The following BTBD9 variants were observed in gnomAD, a reference collection of about 807,000 sequenced individuals.
BTBD9 encodes the protein BTB domain containing 9, also known as BTB/POZ domain-containing protein 9.
In BTBD9, 49 loss-of-function variants were observed where a neutral mutation model predicts 64.3. The ratio of observed to expected loss-of-function variants is 0.76; its 90% CI spans 0.61 to 0.97. The LOEUF (loss-of-function observed/expected upper bound fraction) is 0.97, where lower values mean the gene tolerates loss of function less well. BTBD9 is among the 50% of genes least tolerant of loss of function. The pLI is 0.00. For synonymous variants in BTBD9, 260 were observed against 274.7 expected (o/e 0.95, Z 0.53); for missense variants, 598 against 762.1 (o/e 0.78, Z 2.53).
intron 6 of BTBD9, among the ~76,000 whole-genome samples, chr6:38,393,019 C>T (rs755880430): frequency 4.1e-4 from 62 of 152,064 alleles, no homozygotes; most frequent in Non-Finnish European, 5.7e-4. Flanking sequence ...GGATTACAGG[C>T]GCGTGCCACC....
At chr6:38,280,664 G>A (rs951410379) in intron 8 of BTBD9, among the ~76,000 whole-genome samples, 3 of 152,198 alleles carry the variant, frequency 2.0e-5, no homozygotes, top group African/African-American at 7.2e-5. Flanking sequence ...TGAAATGGAA[G>A]CGGCATGGAA....
At chr6:38,494,574 A>G (rs1014128097) in intron 6 of BTBD9, among the ~76,000 whole-genome samples, 6 of 152,226 alleles carry the variant, frequency 3.9e-5, no homozygotes, top group Non-Finnish European at 7.3e-5. Context: ...GATATACATC[A>G]TGATGAGTAC....
chr6:38,504,439 T>C, intron 6 of BTBD9: 1 of 397,448 alleles, frequency 2.5e-6, no homozygotes, highest in South Asian at 1.9e-5. Flanking sequence ...CCTTCCTCCC[T>C]TTCCCTATGA....
At position 38,530,623 on chromosome 6, in the gene BTBD9, C is replaced by A. The variant is rs764542273; in HGVS notation, c.1154+46977G>T. 6.2e-5 allele frequency among the ~76,000 whole-genome samples: 6 copies of A among 97,158 alleles called. 2 individuals carry two copies. The highest frequency in any genetic ancestry group is 1.5e-4 in the Non-Finnish European group (5 of 34,166). 63.7% of individuals were successfully genotyped at this position (97,158 alleles called of 152,430 possible). ...TGGGGGTGGGTTCCCCCAATACTCA[C>A]AAAACAAACTAAATAAGACACCAGA... On this transcript the variant is annotated intron_variant, in intron 6 of 10. Coordinates refer to ENST00000481247, the MANE Select transcript of BTBD9 (RefSeq NM_001099272.2).
intron 1 of BTBD9, among the ~76,000 whole-genome samples, chr6:38,607,986 C>G (rs181019609): frequency 1.3e-5 from 2 of 152,216 alleles, no homozygotes; most frequent in Non-Finnish European, 2.9e-5. Flanking sequence ...CTGAAACTTC[C>G]TTCTTCCTCT....
intron 9 of BTBD9, among the ~76,000 whole-genome samples, chr6:38,202,725 C>T (rs1401501953): frequency 1.3e-5 from 2 of 152,130 alleles, no homozygotes; most frequent in African/African-American, 2.4e-5. Context: ...AAACTGGACC[C>T]CTATCTCTCA....
intron 6 of BTBD9, among the ~76,000 whole-genome samples, chr6:38,516,752 T>C (rs1773045728): frequency 6.6e-6 from 1 of 152,186 alleles, no homozygotes; most frequent in Non-Finnish European, 1.5e-5. Flanking sequence ...GCAGTCACAG[T>C]GATCTGAGTA....
chr6:38,579,314 A>G (rs1274776943), intron 5 of BTBD9, among the ~76,000 whole-genome samples: 2 of 152,210 alleles, frequency 1.3e-5, no homozygotes, highest in Admixed American at 1.3e-4. Flanking sequence ...GCAGGGCATC[A>G]TCATCATTAC....
chr6:38,462,041 T>G (rs1264277509), intron 6 of BTBD9, among the ~76,000 whole-genome samples: 1 of 152,214 alleles, frequency 6.6e-6, no homozygotes. Flanking sequence ...GTTGTTGAAT[T>G]GTAAGAATTC....
chr6:38,296,234 C>A (rs565600117), intron 7 of BTBD9, among the ~76,000 whole-genome samples: 1 of 152,008 alleles, frequency 6.6e-6, no homozygotes, highest in Non-Finnish European at 1.5e-5. Flanking sequence ...ATATTCTTGG[C>A]CCTTTCAGGA....
chr6:38,363,836 T>C (rs1582298296), intron 6 of BTBD9, among the ~76,000 whole-genome samples: 3 of 152,202 alleles, frequency 2.0e-5, no homozygotes, highest in South Asian at 4.1e-4. Context: ...TCCTGTGGTA[T>C]GAAAGCATCT....
At chr6:38,430,431 C>T (rs1291377985) in intron 6 of BTBD9, among the ~76,000 whole-genome samples, 1 of 151,390 alleles carries the variant, frequency 6.6e-6, no homozygotes, top group African/African-American at 2.4e-5. Flanking sequence ...CATTATGCTG[C>T]CCAGGCTCAT....
At chr6:38,189,593 C>T (rs1007368510) in intron 10 of BTBD9, among the ~76,000 whole-genome samples, 8 of 152,130 alleles carry the variant, frequency 5.3e-5, no homozygotes, top group African/African-American at 9.7e-5. Context: ...TAGGCCCAAG[C>T]GATCCTCCTG....
intron 9 of BTBD9, among the ~76,000 whole-genome samples, chr6:38,199,349 G>A (rs1051902667): frequency 6.6e-6 from 1 of 152,094 alleles, no homozygotes; most frequent in Non-Finnish European, 1.5e-5. Flanking sequence ...GCCGCTGACT[G>A]GCCCAAGAGG....
At chr6:38,624,083 G>A (rs180948563) in intron 1 of BTBD9, among the ~76,000 whole-genome samples, 48 of 152,300 alleles carry the variant, frequency 3.2e-4, no homozygotes, top group Admixed American at 2.7e-3. Context: ...GGGACTTGGG[G>A]AAGTTTCCTG....
At chr6:38,541,134 G>T (rs1774248548) in intron 6 of BTBD9, among the ~76,000 whole-genome samples, 1 of 152,172 alleles carries the variant, frequency 6.6e-6, no homozygotes. Context: ...CTCCTAAAGT[G>T]AAGTACATAT....
At chr6:38,263,753 T>A (rs1764872535) in intron 8 of BTBD9, among the ~76,000 whole-genome samples, 1 of 152,180 alleles carries the variant, frequency 6.6e-6, no homozygotes, top group Non-Finnish European at 1.5e-5. Context: ...CAAAACCTAC[T>A]AGGGCCCTCC....
In BTBD9 at chr6:38,304,517, G is replaced by C. The variant is rs572088086; in HGVS notation, c.1265-16056C>G. Among the ~76,000 whole-genome samples, 328 of 151,244 alleles carry C rather than the reference G, an allele frequency of 2.2e-3. 2 individuals carry two copies. Among genetic ancestry groups the C allele is most frequent in the Non-Finnish European group, 2.9e-3 (195 of 67,852 alleles). On this transcript the variant is annotated intron_variant, in intron 7 of 10. Coordinates refer to ENST00000481247, the MANE Select transcript of BTBD9 (RefSeq NM_001099272.2). ...GCTGAGACCATGCCAATACACTCCAGCCTGGGCAACAAAGCAAGGCTCCGT... is the reference window on the plus strand; with the variant it reads ...GCTGAGACCATGCCAATACACTCCACCCTGGGCAACAAAGCAAGGCTCCGT...
chr6:38,250,067 G>A (rs1939216631), intron 9 of BTBD9, among the ~76,000 whole-genome samples: 1 of 152,146 alleles, frequency 6.6e-6, no homozygotes, highest in African/African-American at 2.4e-5. Flanking sequence ...TGCTTATAAC[G>A]CAGCAGACAT....
Sources: allele counts gnomAD v4.1 joint callset (sites outside exome capture counted in the v4.1 genomes callset), GRCh38; gene constraint gnomAD v4.1.1; transcripts MANE v1.5; gene names NCBI Gene and HGNC (gene_info 2026-07-23, HGNC 2026-07-21).